The following COL18A1 variants were observed in gnomAD, a reference collection of about 807,000 sequenced individuals.
The protein encoded by COL18A1 is collagen alpha-1(XVIII) chain.
Under a neutral mutation model 168.0 loss-of-function variants are expected in COL18A1, and 133 were observed. The observed-to-expected ratio is 0.79, with a 90% CI of 0.69 to 0.91. COL18A1 has a LOEUF of 0.91. Ranked by LOEUF, COL18A1 falls within the 40% of genes least tolerant of loss-of-function variation. The pLI is 0.00. For synonymous variants in COL18A1, 949 were observed against 809.0 expected, an observed-to-expected ratio of 1.17 and a Z score of -2.94; for missense variants, 2,126 against 1,925.4, an observed-to-expected ratio of 1.10 and a Z score of -1.95.
At chr21:45,438,757 GGC>G (rs2034289699) in intron 2 of COL18A1, among the ~76,000 whole-genome samples, 1 of 152,244 alleles carries the variant, frequency 6.6e-6, no homozygotes, top group Non-Finnish European at 1.5e-5. Flanking sequence ...CGTGGACAAA[GGC>G]GCATCTAATC....
chr21:45,426,314 A>G (rs956535126), intron 2 of COL18A1, among the ~76,000 whole-genome samples: 1 of 152,148 alleles, frequency 6.6e-6, no homozygotes, highest in African/African-American at 2.4e-5. Context: ...CATGTTGGCC[A>G]GGCTGGTCTC....
At chr21:45,506,975 G>GTC in intron 37 of COL18A1, 1 of 271,580 alleles carries the variant, frequency 3.7e-6, no homozygotes, top group South Asian at 3.6e-5. Context: ...TGTGCTTGTA[G>GTC]GCACCCGGAT....
intron 2 of COL18A1, among the ~76,000 whole-genome samples, chr21:45,414,775 C>T (rs998635937): frequency 2.0e-4 from 30 of 152,248 alleles, no homozygotes; most frequent in Admixed American, 2.0e-3. Flanking sequence ...CGATCACACG[C>T]ATAGAAGGCC....
intron 29 of COL18A1, chr21:45,495,900 C>A: frequency 3.2e-6 from 1 of 313,548 alleles, no homozygotes; most frequent in Non-Finnish European, 6.3e-6. Flanking sequence ...TGACTATGAG[C>A]CCTCCCTGGC....
intron 26 of COL18A1, chr21:45,494,314 C>T: frequency 1.6e-6 from 1 of 621,678 alleles, no homozygotes; most frequent in Non-Finnish European, 2.9e-6. Flanking sequence ...AACCTGGACG[C>T]AAACCCCAAA....
intron 38 of COL18A1, among the ~76,000 whole-genome samples, chr21:45,508,683 C>T (rs2037397175): frequency 6.6e-6 from 1 of 152,176 alleles, no homozygotes; most frequent in African/African-American, 2.4e-5. Flanking sequence ...CCTGTCTCCT[C>T]ACAGGGTTCA....
chr21:45,420,372 T>C (rs1176356663), intron 2 of COL18A1: 1 of 152,208 alleles, frequency 6.6e-6, no homozygotes, highest in Non-Finnish European at 1.5e-5. Flanking sequence ...GACACTGTGA[T>C]CTCAGAGCTG....
intron 2 of COL18A1, among the ~76,000 whole-genome samples, chr21:45,444,641 A>G (rs2034466748): frequency 6.6e-6 from 1 of 152,024 alleles, no homozygotes; most frequent in Non-Finnish European, 1.5e-5. Flanking sequence ...GCAGGGCGAG[A>G]GAGGCTCCGG....
At chr21:45,509,227 C>CG (rs2037427021) in intron 38 of COL18A1, 129 bp from the exon 39 acceptor site, 1 of 1,287,000 alleles carries the variant, frequency 7.8e-7, no homozygotes. Context: ...GCCCCAGAGT[C>CG]GGGGGCGCAG....
At chr21:45,494,446 C>A in intron 26 of COL18A1, 99 bp from the exon 27 acceptor site, 1 of 1,559,920 alleles carries the variant, frequency 6.4e-7, no homozygotes, top group Non-Finnish European at 8.8e-7. Context: ...GGGGCACAAG[C>A]CGCCACCTAA....
intron 2 of COL18A1, among the ~76,000 whole-genome samples, chr21:45,466,884 C>T (rs908900752): frequency 4.6e-5 from 7 of 152,242 alleles, no homozygotes; most frequent in African/African-American, 1.7e-4. Flanking sequence ...GCCCCCAGGC[C>T]GAGTCCTGTT....
chr21:45,503,966 G>A lies in COL18A1; in HGVS notation c.2684-45G>A, dbSNP rs544837725. The A allele has an allele frequency of 1.6e-5, 25 of 1,612,572 alleles. 1 individual carries two copies. The South Asian group carries it at 2.6e-4, about 17-fold the overall frequency. On this transcript the variant is annotated intron_variant, in intron 32 of 41. Transcript: ENST00000651438. The stretch of plus-strand genomic sequence containing the variant: ...GGGGCTGCAGAGGGAACCCGGCGCT[G>A]TCAGACACCACCTCAGCGAGACCCC...
intron 2 of COL18A1, among the ~76,000 whole-genome samples, chr21:45,440,066 G>A (rs2034327868): frequency 6.6e-6 from 1 of 152,256 alleles, no homozygotes; most frequent in Admixed American, 6.5e-5. Context: ...TGGGCGGAGG[G>A]GCCGGTCCTC....
At chr21:45,448,596 C>T (rs2034553966) in intron 2 of COL18A1, among the ~76,000 whole-genome samples, 1 of 152,252 alleles carries the variant, frequency 6.6e-6, no homozygotes, top group African/African-American at 2.4e-5. Flanking sequence ...GCAGCATCTC[C>T]ACACATTGCC....
At chr21:45,416,689 T>C (rs1222685845) in intron 2 of COL18A1, among the ~76,000 whole-genome samples, 1 of 152,174 alleles carries the variant, frequency 6.6e-6, no homozygotes, top group African/African-American at 2.4e-5. Flanking sequence ...ATTAGTCAGA[T>C]TGGAGCTGCA....
At position 45,448,471 on chromosome 21, in the gene COL18A1, CCACA is replaced by C. The variant is rs1373731104; in HGVS notation, c.107-19764_107-19761del. On this transcript the variant is annotated intron_variant, in intron 2 of 41. Coordinates refer to ENST00000651438, the MANE Select transcript of COL18A1 (RefSeq NM_001379500.1). ...TATGCACACATAATCCACATGCAGTCCACACACACAGATATCCATGCATGCATGT... is the reference window on the plus strand; with the variant it reads ...TATGCACACATAATCCACATGCAGTCCACACAGATATCCATGCATGCATGT... 7.2e-5 allele frequency among the ~76,000 whole-genome samples: 11 copies of C among 152,366 alleles called. No individual in the cohort carries two copies. The East Asian group carries it at 1.5e-3, about 21-fold the overall frequency.
At chr21:45,405,653 C>G (rs1349270232) in intron 2 of COL18A1, among the ~76,000 whole-genome samples, 180 bp downstream of exon 2, 1 of 150,982 alleles carries the variant, frequency 6.6e-6, no homozygotes, top group Non-Finnish European at 1.5e-5. Context: ...GCCGGAGTCC[C>G]GCCCATTCAT....
chr21:45,471,651 T>A lies in COL18A1; in HGVS notation c.652-2244T>A, dbSNP rs1350973898. Reference sequence around the variant, plus strand: ...GGTTCACTTTCTTGAGTCAGGTTTGTCAGTGGTCGTCTCCCGGGAAATCAT... The same window carrying A: ...GGTTCACTTTCTTGAGTCAGGTTTGACAGTGGTCGTCTCCCGGGAAATCAT... On this transcript the variant is annotated intron_variant, in intron 3 of 41. Transcript: ENST00000651438. This position sits in a 1 kb window ranked among gnomAD's most constrained non-coding sequence, Gnocchi z 4.4. Among the ~76,000 whole-genome samples the A allele has an allele frequency of 6.6e-6, 1 of 152,184 alleles. No individual in the cohort carries two copies. Among genetic ancestry groups the A allele is most frequent in the Non-Finnish European group, 1.5e-5 (1 of 68,034 alleles).
At chr21:45,462,661 C>G (rs1191483444) in intron 2 of COL18A1, among the ~76,000 whole-genome samples, 1 of 152,186 alleles carries the variant, frequency 6.6e-6, no homozygotes, top group Admixed American at 6.5e-5. Context: ...TTGACTTTCT[C>G]CACACCTTCC....
Sources: allele counts gnomAD v4.1 joint callset (sites outside exome capture counted in the v4.1 genomes callset), GRCh38; gene constraint gnomAD v4.1.1; non-coding constraint Gnocchi (gnomAD v3.1); transcripts MANE v1.5; gene names NCBI Gene and HGNC (gene_info 2026-07-23, HGNC 2026-07-21).